The following PLCE1 variants were observed in gnomAD, a reference collection of about 807,000 sequenced individuals.
The protein encoded by PLCE1 is 1-phosphatidylinositol 4,5-bisphosphate phosphodiesterase epsilon-1.
Under a neutral mutation model 242.8 loss-of-function variants are expected in PLCE1, and 119 were observed. The ratio of observed to expected loss-of-function variants is 0.49; its 90% CI spans 0.42 to 0.57. PLCE1 has a LOEUF of 0.57. PLCE1 is among the 20% of genes least tolerant of loss of function. PLCE1 has a pLI of 0.00. For synonymous variants in PLCE1, 945 were observed against 1,017.4 expected (o/e 0.93, Z 1.35); for missense variants, 2,441 against 2,788.8 (o/e 0.88, Z 2.81).
intron 3 of PLCE1, among the ~76,000 whole-genome samples, chr10:94,154,864 C>G (rs989224175): frequency 6.7e-6 from 1 of 149,474 alleles, no homozygotes; most frequent in South Asian, 2.1e-4. Context: ...CGTGGCAAGA[C>G]CCCTGTCTCT....
chr10:94,289,934 A>AT (rs1056684260), intron 22 of PLCE1, among the ~76,000 whole-genome samples: 16 of 151,030 alleles, frequency 1.1e-4, no homozygotes, highest in Admixed American at 2.0e-4. Flanking sequence ...ATAAATTTTT[A>AT]TTTTTTTAAC....
At chr10:94,156,200 C>T (rs1290113776) in intron 3 of PLCE1, among the ~76,000 whole-genome samples, 2 of 152,122 alleles carry the variant, frequency 1.3e-5, no homozygotes, top group Non-Finnish European at 2.9e-5. Flanking sequence ...ATGTATTCTC[C>T]GTCTCTCCTG....
chr10:94,281,891 A>G (rs994169636), intron 20 of PLCE1, among the ~76,000 whole-genome samples: 2 of 151,810 alleles, frequency 1.3e-5, no homozygotes, highest in African/African-American at 4.8e-5. Context: ...CATGCCTTTG[A>G]TTATTGTTGT....
At chr10:94,042,571 G>A (rs569553191) in intron 2 of PLCE1, among the ~76,000 whole-genome samples, 5 of 152,166 alleles carry the variant, frequency 3.3e-5, no homozygotes, top group African/African-American at 4.8e-5. Context: ...ATGTGCAAAT[G>A]TTGAGCTGGA....
chr10:94,027,568 T>G (rs2061472927), intron 1 of PLCE1, among the ~76,000 whole-genome samples: 1 of 152,184 alleles, frequency 6.6e-6, no homozygotes, highest in African/African-American at 2.4e-5. Flanking sequence ...ATGCCTGTAA[T>G]TCCAGCACTT....
chr10:94,037,799 G>GC (rs796686839), intron 2 of PLCE1, among the ~76,000 whole-genome samples: 145 of 152,274 alleles, frequency 9.5e-4, no homozygotes, highest in African/African-American at 3.4e-3. Flanking sequence ...AGTTATACCA[G>GC]CCCTTTGGCT....
At chr10:94,207,552 T>C (rs2049199394) in intron 4 of PLCE1, among the ~76,000 whole-genome samples, 1 of 143,986 alleles carries the variant, frequency 6.9e-6, no homozygotes, top group Non-Finnish European at 1.5e-5. Flanking sequence ...TGTGTGTGTG[T>C]GTATAGACTT....
At chr10:94,311,122 C>G (rs1447392879) in intron 27 of PLCE1, among the ~76,000 whole-genome samples, 1 of 152,154 alleles carries the variant, frequency 6.6e-6, no homozygotes. Context: ...TCCATGTCCT[C>G]TCCAGGCCAC....
intron 1 of PLCE1, among the ~76,000 whole-genome samples, chr10:93,999,615 A>G (rs1349204981): frequency 6.6e-6 from 1 of 152,208 alleles, no homozygotes; most frequent in Non-Finnish European, 1.5e-5. Flanking sequence ...CACTGTTGCC[A>G]TCTCCTAGAC....
chr10:93,996,369 C>T (rs2060821586), intron 1 of PLCE1, among the ~76,000 whole-genome samples: 1 of 152,138 alleles, frequency 6.6e-6, no homozygotes, highest in African/African-American at 2.4e-5. Context: ...AGATCTGTGG[C>T]ATTGAGCAAG....
chr10:94,046,650 A>C (rs1259535712), intron 2 of PLCE1, among the ~76,000 whole-genome samples: 1 of 152,184 alleles, frequency 6.6e-6, no homozygotes, highest in African/African-American at 2.4e-5. Context: ...TTGGGTGTGG[A>C]GCTGAACTGA....
chr10:94,319,213 C>A (rs954811149), intron 29 of PLCE1, among the ~76,000 whole-genome samples: 50 of 151,996 alleles, frequency 3.3e-4, no homozygotes, highest in Non-Finnish European at 3.4e-4. Context: ...CCTTTATATG[C>A]CTTTGTTAGG....
At position 94,234,281 on chromosome 10, in the gene PLCE1, C is replaced by T. The variant is rs751878309; in HGVS notation, c.2183C>T (p.Pro728Leu). The change falls in exon 6 of 33, where the codon CCG becomes CTG. Residue 728 changes from proline to leucine, a missense_variant. Around this residue, in one of 5 missense-constraint regions of PLCE1, gnomAD observed 733 missense variants for 754.2 expected, o/e 0.97. Coordinates refer to ENST00000371380, the MANE Select transcript of PLCE1 (RefSeq NM_016341.4). ...DGASGLMKLCPRYNSQEETLE... is the reference protein window; with the variant it reads ...DGASGLMKLCLRYNSQEETLE... ...GCCTCCGGTCTCATGAAGCTTTGCC[C>T]GCGGTACAATTCCCAAGAAGAAACT... The T allele has an allele frequency of 5.0e-6, 8 of 1,614,036 alleles. No homozygotes were observed. Among genetic ancestry groups the T allele is most frequent in the Middle Eastern group, 1.7e-4 (1 of 6,048 alleles).
At chr10:94,049,066 A>G (rs1702746262) in intron 2 of PLCE1, among the ~76,000 whole-genome samples, 2 of 152,048 alleles carry the variant, frequency 1.3e-5, no homozygotes, top group Admixed American at 1.3e-4. Context: ...GCCTGGCCAG[A>G]TATATTCTTA....
At chr10:94,247,388 T>C (rs570515715) in intron 8 of PLCE1, among the ~76,000 whole-genome samples, 1 of 151,724 alleles carries the variant, frequency 6.6e-6, no homozygotes, top group African/African-American at 2.4e-5. Context: ...AGTTCTCCCA[T>C]CTGCAAAGAA....
chr10:94,217,984 A>G (rs1021181209), intron 4 of PLCE1, among the ~76,000 whole-genome samples: 2 of 151,834 alleles, frequency 1.3e-5, no homozygotes, highest in Admixed American at 1.3e-4. Context: ...TTACTTATAC[A>G]CAAGGGTAAG....
At chr10:94,320,259 C>A (rs962429404) in intron 29 of PLCE1, among the ~76,000 whole-genome samples, 1 of 151,938 alleles carries the variant, frequency 6.6e-6, no homozygotes, top group Non-Finnish European at 1.5e-5. Context: ...ATCTCTTCCC[C>A]CCCTTCCATT....
intron 25 of PLCE1, 77 bp downstream of exon 25, chr10:94,304,722 G>A (rs2053145903): frequency 2.2e-6 from 3 of 1,364,804 alleles, no homozygotes; most frequent in Admixed American, 3.4e-5. Context: ...TGAATTCAAG[G>A]CATTGGAAAG....
At chr10:94,261,724 C>T (rs1402913911) in intron 13 of PLCE1, among the ~76,000 whole-genome samples, 1 of 152,092 alleles carries the variant, frequency 6.6e-6, no homozygotes, top group Non-Finnish European at 1.5e-5. Context: ...TAAACATATT[C>T]CTTCCATGTG....
Sources: gnomAD v4.1 joint callset for allele counts (sites outside exome capture counted in the v4.1 genomes callset) on GRCh38, gnomAD v4.1.1 for gene constraint, gnomAD v4.1.1 regional missense constraint, MANE v1.5 for transcripts, NCBI Gene and HGNC (gene_info 2026-07-23, HGNC 2026-07-21) for gene names.